Variants in LARGE1 observed in about 807,000 individuals in gnomAD.
The protein encoded by LARGE1 is LARGE xylosyl- and glucuronyltransferase 1, also known as xylosyl- and glucuronyltransferase LARGE1.
LARGE1 carries 43 observed loss-of-function variants against 87.6 expected under a neutral mutation model. The observed-to-expected ratio is 0.49, with a 90% CI of 0.38 to 0.63. The LOEUF (loss-of-function observed/expected upper bound fraction) is 0.63. Ranked by LOEUF, LARGE1 falls within the 30% of genes least tolerant of loss-of-function variation. LARGE1 has a pLI of 0.00. For synonymous variants in LARGE1, 434 were observed against 394.6 expected (o/e 1.10, Z -1.18); for missense variants, 802 against 1,000.2 (o/e 0.80, Z 2.67).
chr22:33,121,467 G>A, the LARGE1 span, among the ~76,000 whole-genome samples: 36 of 152,310 alleles, frequency 2.4e-4, no homozygotes, highest in Non-Finnish European at 4.4e-4. Context: ...GCTTTATAGA[G>A]TGGTTTTGAT....
chr22:33,734,919 T>G (rs2083601490), intron 2 of LARGE1, among the ~76,000 whole-genome samples: 1 of 152,142 alleles, frequency 6.6e-6, no homozygotes, highest in South Asian at 2.1e-4. Context: ...ATATCGAAGT[T>G]GGAAGGAACC....
At chr22:33,752,514 T>C (rs989405490) in intron 2 of LARGE1, among the ~76,000 whole-genome samples, 10 of 152,202 alleles carry the variant, frequency 6.6e-5, no homozygotes, top group South Asian at 2.1e-4. Flanking sequence ...ACACCTATCA[T>C]AGATGAAGTA....
intron 1 of LARGE1, among the ~76,000 whole-genome samples, chr22:33,831,925 G>A (rs1026917179): frequency 1.3e-5 from 2 of 152,156 alleles, no homozygotes; most frequent in African/African-American, 4.8e-5. Flanking sequence ...TCTGGACATG[G>A]GTAGTAACAG....
chr22:33,534,248 C>T (rs1387152916), intron 6 of LARGE1, among the ~76,000 whole-genome samples: 1 of 151,826 alleles, frequency 6.6e-6, no homozygotes, highest in Non-Finnish European at 1.5e-5. Flanking sequence ...ACTAAAAATA[C>T]AAAAAATTAG....
Position 33,622,702 on chromosome 22 carries a change from A to G in LARGE1, c.491+3542T>C, listed in dbSNP as rs529540219. 5.9e-5 allele frequency among the ~76,000 whole-genome samples: 9 copies of G among 152,260 alleles called. No individual in the cohort carries two copies. In the South Asian group the frequency reaches 8.3e-4, roughly 14 times the overall value. On this transcript the variant is annotated intron_variant, in intron 4 of 14. Transcript: ENST00000397394. Reference sequence around the variant, plus strand: ...ATATGTAAGCCCCCAGTTAAACCCAACGTCTCATTTGCTGGCCCTGGGTTT... The same window carrying G: ...ATATGTAAGCCCCCAGTTAAACCCAGCGTCTCATTTGCTGGCCCTGGGTTT...
At chr22:33,569,960 A>G (rs1007190426) in intron 5 of LARGE1, among the ~76,000 whole-genome samples, 12 of 152,238 alleles carry the variant, frequency 7.9e-5, no homozygotes, top group African/African-American at 2.9e-4. Flanking sequence ...TTTTTCTCTG[A>G]TATTTTCCTC....
At chr22:33,300,523 G>A (rs1448592519) in intron 12 of LARGE1, among the ~76,000 whole-genome samples, 1 of 152,144 alleles carries the variant, frequency 6.6e-6, no homozygotes, top group Non-Finnish European at 1.5e-5. Context: ...CAACAGGCAT[G>A]TTCCACAATG....
At chr22:33,454,782 C>T (rs1386809647) in intron 6 of LARGE1, among the ~76,000 whole-genome samples, 1 of 152,072 alleles carries the variant, frequency 6.6e-6, no homozygotes, top group African/African-American at 2.4e-5. Context: ...ATGGTGGGAG[C>T]AGCAGAAAGA....
At chr22:33,712,897 G>A (rs2082778818) in intron 2 of LARGE1, among the ~76,000 whole-genome samples, 1 of 152,108 alleles carries the variant, frequency 6.6e-6, no homozygotes, top group African/African-American at 2.4e-5. Flanking sequence ...TGTACTCACA[G>A]AAGGTATATG....
At chr22:33,606,302 G>A (rs942844483) in intron 4 of LARGE1, among the ~76,000 whole-genome samples, 38 of 152,174 alleles carry the variant, frequency 2.5e-4, no homozygotes, top group African/African-American at 7.9e-4. Context: ...CTACTTGGGA[G>A]GCTGAGGCAG....
the LARGE1 span, among the ~76,000 whole-genome samples, chr22:33,086,773 G>A: frequency 1.2e-4 from 19 of 152,052 alleles, no homozygotes; most frequent in Admixed American, 1.0e-3. Flanking sequence ...GGATGGTCTC[G>A]ATCTCCTGAC....
intron 3 of LARGE1, among the ~76,000 whole-genome samples, chr22:33,628,318 C>CTT (rs35066040): frequency 7.5e-5 from 10 of 132,974 alleles, no homozygotes; most frequent in Middle Eastern, 3.9e-3. Flanking sequence ...ACTGTTTTTG[C>CTT]TTTTTTTTTT....
At chr22:33,803,781 C>T (rs1301129024) in intron 1 of LARGE1, among the ~76,000 whole-genome samples, 7 of 152,168 alleles carry the variant, frequency 4.6e-5, no homozygotes, top group Admixed American at 6.5e-5. Flanking sequence ...TTAGAGGTTC[C>T]GTGCCTAGGG....
intron 11 of LARGE1, among the ~76,000 whole-genome samples, chr22:33,224,876 G>A (rs1306403225): frequency 6.6e-6 from 1 of 152,262 alleles, no homozygotes; most frequent in Non-Finnish European, 1.5e-5. Context: ...AACTGAATCA[G>A]AACAATTATT....
Position 33,580,141 on chromosome 22 carries a change from G to T in LARGE1, c.616-15122C>A, listed in dbSNP as rs372468029. Among the ~76,000 whole-genome samples, 953 of 152,116 alleles carry T rather than the reference G, an allele frequency of 6.3e-3. 7 individuals carry two copies. Among genetic ancestry groups the T allele is most frequent in the African/African-American group, 0.022 (926 of 41,516 alleles). On this transcript the variant is annotated intron_variant, in intron 5 of 14. Transcript: ENST00000397394. ...ATTCCAACACTTTGGGAGGCCAAGGGGGGCAGATCACCTGAGCTCGGGAGT... is the reference window on the plus strand; with the variant it reads ...ATTCCAACACTTTGGGAGGCCAAGGTGGGCAGATCACCTGAGCTCGGGAGT...
intron 12 of LARGE1, 128 bp downstream of exon 12, chr22:33,304,101 G>T: frequency 1.9e-6 from 2 of 1,054,516 alleles, no homozygotes; most frequent in South Asian, 1.4e-5. Flanking sequence ...CCCTTTCTGG[G>T]TCTCTGCTGC....
chr22:33,333,208 C>T (rs1937971698), intron 10 of LARGE1, among the ~76,000 whole-genome samples: 4 of 152,212 alleles, frequency 2.6e-5, no homozygotes, highest in Admixed American at 2.6e-4. Flanking sequence ...TTTAGAGAGA[C>T]AGGGTTTCAC....
intron 1 of LARGE1, among the ~76,000 whole-genome samples, chr22:33,874,135 C>T (rs564206462): frequency 2.6e-5 from 4 of 152,232 alleles, no homozygotes; most frequent in South Asian, 2.1e-4. Context: ...CTCTGTCCAA[C>T]GCAAAACCTC....
intron 7 of LARGE1, among the ~76,000 whole-genome samples, chr22:33,406,649 C>T (rs2066111021): frequency 6.6e-6 from 1 of 152,170 alleles, no homozygotes; most frequent in South Asian, 2.1e-4. Flanking sequence ...GGTGTGAACA[C>T]TGGCACAGAG....
Sources: gnomAD v4.1 joint callset for allele counts (sites outside exome capture counted in the v4.1 genomes callset) on GRCh38, gnomAD v4.1.1 for gene constraint, MANE v1.5 for transcripts, NCBI Gene and HGNC (gene_info 2026-07-23, HGNC 2026-07-21) for gene names.